Variants in SORCS2 observed in about 807,000 individuals in gnomAD.
The protein encoded by SORCS2 is VPS10 domain-containing receptor SorCS2.
SORCS2 carries 100 observed loss-of-function variants against 141.6 expected under a neutral mutation model. The ratio of observed to expected loss-of-function variants is 0.71; its 90% CI spans 0.60 to 0.83. The LOEUF is 0.83. Among genes scored for constraint, SORCS2 ranks in the 40% least tolerant of loss-of-function variants. The pLI, the probability that SORCS2 is intolerant of heterozygous loss-of-function variation, is 0.00. For missense variants in SORCS2, 1,646 were observed against 1,560.2 expected, an observed-to-expected ratio of 1.05 and a Z score of -0.93; for synonymous variants, 789 against 676.9, an observed-to-expected ratio of 1.17 and a Z score of -2.57.
At chr4:7,305,283 G>T (rs1161883988) in intron 1 of SORCS2, among the ~76,000 whole-genome samples, 10 of 151,718 alleles carry the variant, frequency 6.6e-5, no homozygotes, top group Admixed American at 6.6e-5. Context: ...TGCCCGCCTC[G>T]GCCTCCCAAA....
intron 3 of SORCS2, among the ~76,000 whole-genome samples, chr4:7,557,302 C>T (rs753614601): frequency 6.6e-5 from 10 of 152,088 alleles, no homozygotes; most frequent in Admixed American, 2.6e-4. Context: ...GCTGGGGGCA[C>T]GGGCAGATTG....
chr4:7,547,307 C>T (rs1050821484), intron 3 of SORCS2, among the ~76,000 whole-genome samples: 4 of 152,228 alleles, frequency 2.6e-5, no homozygotes, highest in East Asian at 1.9e-4. Flanking sequence ...AGCCTCCCCA[C>T]GGTCACCCTG....
At chr4:7,503,567 C>T (rs67965879) in intron 2 of SORCS2, among the ~76,000 whole-genome samples, 3,206 of 152,230 alleles carry the variant, frequency 0.021, 47 homozygotes, top group African/African-American at 0.04. Context: ...TCTATGCAGA[C>T]GGAGACCCAG....
Position 7,703,385 on chromosome 4 carries a change from C to G in SORCS2, c.1760+14C>G. 3.1e-6 allele frequency: 5 copies of G among 1,608,018 alleles called. No homozygotes were observed. Among genetic ancestry groups the G allele is most frequent in the Non-Finnish European group, 4.2e-6 (5 of 1,176,958 alleles). On this transcript the variant is annotated intron_variant, in intron 13 of 26. Coordinates refer to ENST00000507866, the MANE Select transcript of SORCS2 (RefSeq NM_020777.3). ...GAAGATCCTCAAGTAATGGCGTCTG[C>G]TAGCCCCGGGGCAGGGAGGGCAGGC...
At position 7,676,178 on chromosome 4, in the gene SORCS2, C is replaced by G; in HGVS notation, c.1290C>G (p.Asp430Glu). Residue 430 changes from aspartate to glutamate, a missense_variant, in exon 9 of 27, where the codon GAC (aspartate) becomes GAG (glutamate). By Grantham distance (45) the Asp-to-Glu change is conservative (BLOSUM62 2). Coordinates refer to ENST00000507866, the MANE Select transcript of SORCS2 (RefSeq NM_020777.3). ...RGVRYALVLQ[D>E]VRSSRQAEES... ...TGCGCTACGCGCTGGTGCTGCAGGACGTGCGCAGCTCACGGCAGGCGGAGG... is the reference window on the plus strand; with the variant it reads ...TGCGCTACGCGCTGGTGCTGCAGGAGGTGCGCAGCTCACGGCAGGCGGAGG... 1 of 1,556,012 alleles carries G rather than the reference C, an allele frequency of 6.4e-7. No individual in the cohort carries two copies. The highest frequency in any genetic ancestry group is 8.7e-7 in the Non-Finnish European group (1 of 1,149,504).
intron 2 of SORCS2, among the ~76,000 whole-genome samples, chr4:7,518,603 T>G (rs943704846): frequency 6.6e-6 from 1 of 152,194 alleles, no homozygotes. Flanking sequence ...GGTTGGTTCC[T>G]GGGGACAACG....
chr4:7,604,711 C>T (rs747245116), intron 3 of SORCS2, among the ~76,000 whole-genome samples: 31 of 152,164 alleles, frequency 2.0e-4, no homozygotes, highest in African/African-American at 6.0e-4. Context: ...GTAAGTTTCC[C>T]GAGGCCTGCC....
Position 7,192,898 on chromosome 4 carries a change from G to T in SORCS2, c.252G>T (p.Arg84=). ...CGGAGCCCGGTGGCGGCGAGGACCG[G>T]CAGGCGCGCGGCACGGAGCCAGGCG... ...GRAEPGGGED[R]QARGTEPGAP... Residue 84 remains arginine, a synonymous_variant, in exon 1 of 27, where the codon CGG becomes CGT. Coordinates refer to ENST00000507866, the MANE Select transcript of SORCS2 (RefSeq NM_020777.3). This position sits in a 1 kb window ranked among gnomAD's most constrained non-coding sequence, Gnocchi z 4.0. The T allele has an allele frequency of 8.7e-7, 1 of 1,154,218 alleles. No homozygotes were observed. The highest frequency in any genetic ancestry group is 1.1e-6 in the Non-Finnish European group (1 of 939,560). The allele number at this position is 1,154,218 out of a possible 1,614,324, so 71.5% of individuals were successfully genotyped here. A position where few individuals can be genotyped will look rare whatever the true frequency, so the allele number is the denominator to read the frequency against.
intron 2 of SORCS2, among the ~76,000 whole-genome samples, chr4:7,408,591 G>T (rs902611714): frequency 6.6e-6 from 1 of 152,056 alleles, no homozygotes; most frequent in Non-Finnish European, 1.5e-5. Context: ...TCTTGTTTGG[G>T]TTGAATCTGT....
At chr4:7,426,800 C>T (rs1036004513) in intron 2 of SORCS2, among the ~76,000 whole-genome samples, 25 of 152,160 alleles carry the variant, frequency 1.6e-4, no homozygotes, top group Non-Finnish European at 2.8e-4. Flanking sequence ...AGTGGTGAGG[C>T]GAGGCCCTCC....
chr4:7,708,133 G>A (rs995635489), intron 14 of SORCS2, among the ~76,000 whole-genome samples: 1 of 152,178 alleles, frequency 6.6e-6, no homozygotes, highest in Non-Finnish European at 1.5e-5. Context: ...TGTAGCATGG[G>A]GACTTAAACT....
intron 1 of SORCS2, among the ~76,000 whole-genome samples, chr4:7,380,801 G>T (rs2109067928): frequency 6.6e-6 from 1 of 152,348 alleles, no homozygotes; most frequent in South Asian, 2.1e-4. Context: ...AAAGAAGTGG[G>T]TTAATTAGGT....
chr4:7,713,464 C>G (rs1304869305), intron 15 of SORCS2, among the ~76,000 whole-genome samples: 1 of 152,092 alleles, frequency 6.6e-6, no homozygotes, highest in Non-Finnish European at 1.5e-5. Flanking sequence ...GGGTGGAAGA[C>G]TTTACTCAAG....
intron 2 of SORCS2, among the ~76,000 whole-genome samples, chr4:7,411,634 G>A (rs192072369): frequency 6.6e-6 from 1 of 151,994 alleles, no homozygotes; most frequent in Admixed American, 6.6e-5. Context: ...CCACCTACCT[G>A]CCTTTCCTCC....
chr4:7,343,932 C>T (rs886860985), intron 1 of SORCS2, among the ~76,000 whole-genome samples: 3 of 152,174 alleles, frequency 2.0e-5, no homozygotes, highest in African/African-American at 4.8e-5. Context: ...GTGGCAGTGC[C>T]GGGGGTGCTT....
chr4:7,658,181 G>T (rs1721927041), intron 5 of SORCS2, among the ~76,000 whole-genome samples: 1 of 152,150 alleles, frequency 6.6e-6, no homozygotes, highest in African/African-American at 2.4e-5. Context: ...GTGAGTCTGT[G>T]ATTGACTGAG....
chr4:7,381,098 A>AAAAAAAG (rs1722967850), intron 1 of SORCS2, among the ~76,000 whole-genome samples: 1 of 150,752 alleles, frequency 6.6e-6, no homozygotes, highest in African/African-American at 2.4e-5. Flanking sequence ...AAAAAAAAAA[A>AAAAAAAG]GGAGTGGGTT....
intron 2 of SORCS2, chr4:7,433,553 T>G: frequency 6.2e-7 from 1 of 1,610,880 alleles, no homozygotes; most frequent in South Asian, 1.1e-5. Context: ...TCGTACTGGG[T>G]GACGAAGTGC....
intron 1 of SORCS2, among the ~76,000 whole-genome samples, chr4:7,354,537 C>T (rs1028875832): frequency 1.3e-5 from 2 of 152,218 alleles, no homozygotes; most frequent in African/African-American, 4.8e-5. Context: ...CGTGCAGCCC[C>T]GGCTAAGGCC....
Sources: gnomAD v4.1 joint callset for allele counts (sites outside exome capture counted in the v4.1 genomes callset) on GRCh38, gnomAD v4.1.1 for gene constraint, Gnocchi (gnomAD v3.1) non-coding constraint, MANE v1.5 for transcripts, NCBI Gene and HGNC (gene_info 2026-07-23, HGNC 2026-07-21) for gene names.